Variants in RGR observed in about 807,000 individuals in gnomAD.
RGR encodes RPE-retinal G protein-coupled receptor.
A neutral mutation model predicts 28.6 loss-of-function variants in RGR; 30 were observed. That is an observed-to-expected ratio of 1.05 (90% CI 0.78 to 1.42). RGR has a LOEUF of 1.42. RGR is among the 40% of genes most tolerant of loss of function. RGR has a pLI of 0.00. For synonymous variants in RGR, 180 were observed against 156.4 expected (o/e 1.15, Z -1.13); for missense variants, 404 against 375.6 (o/e 1.08, Z -0.62).
chr10:84,258,628 C>G lies in RGR; in HGVS notation c.865C>G (p.Arg289Gly). The G allele has an allele frequency of 6.2e-7, 1 of 1,614,088 alleles. No homozygotes were observed. Among genetic ancestry groups the G allele is most frequent in the East Asian group, 2.2e-5 (1 of 44,860 alleles). ...CTCACCGCAGAAGAGGGAGAAGGAC[C>G]GAACCAAGTGAGCCTGCCACCCTGG... is the stretch of plus-strand genomic sequence containing the variant. ...CLSPQKREKD[R>G]TK The change falls in exon 7 of 7, where the codon CGA becomes GGA. Residue 289 changes from arginine to glycine, a missense_variant. Physicochemically the swap from Arg to Gly is moderately radical, Grantham distance 125. Transcript: ENST00000652092.
intron 5 of RGR, among the ~76,000 whole-genome samples, chr10:84,256,076 T>C (rs1842883188): frequency 8.3e-6 from 1 of 120,642 alleles, no homozygotes; most frequent in Non-Finnish European, 1.8e-5. Context: ...TTTTTTTTTT[T>C]TTTTTTTTTT....
chr10:84,258,718 G>A lies in RGR; in HGVS notation c.*79G>A. 1 of 1,599,526 alleles carries A rather than the reference G, an allele frequency of 6.3e-7. No homozygotes were observed. ...CCAGCAGCCTCAGTGGCCAAGCCCAGACACTCACCCACCTTCCCCAGTGGC... is the reference window on the plus strand; with the variant it reads ...CCAGCAGCCTCAGTGGCCAAGCCCAAACACTCACCCACCTTCCCCAGTGGC... On this transcript the variant is annotated 3_prime_UTR_variant, in exon 7 of 7. Transcript: ENST00000652092.
intron 5 of RGR, among the ~76,000 whole-genome samples, chr10:84,256,909 C>G (rs1324800703): frequency 6.6e-6 from 1 of 152,108 alleles, no homozygotes; most frequent in Non-Finnish European, 1.5e-5. Context: ...ACCGCGTAGC[C>G]TCCCCAGGGG....
At chr10:84,247,804 T>C in intron 2 of RGR, 57 bp downstream of exon 2, 5 of 1,611,206 alleles carry the variant, frequency 3.1e-6, no homozygotes, top group Non-Finnish European at 4.2e-6. Context: ...GCCTGACCCC[T>C]GGGCCCTGGG....
intron 3 of RGR, chr10:84,250,783 T>C (rs1842806929): frequency 3.9e-6 from 1 of 254,508 alleles, no homozygotes. Context: ...GGCAGCACAA[T>C]GGTCCAGGTA....
chr10:84,253,966 C>G (rs965273726), intron 4 of RGR, among the ~76,000 whole-genome samples: 3 of 152,208 alleles, frequency 2.0e-5, no homozygotes, highest in Non-Finnish European at 4.4e-5. Flanking sequence ...CTTGTTATCC[C>G]GTCTCCTTTT....
intron 5 of RGR, among the ~76,000 whole-genome samples, chr10:84,254,938 C>T (rs1211767537): frequency 6.6e-6 from 1 of 152,206 alleles, no homozygotes; most frequent in African/African-American, 2.4e-5. Context: ...TTGGTCCAGA[C>T]CTAGCTGGCC....
chr10:84,245,228 C>A, intron 1 of RGR, 59 bp downstream of exon 1: 1 of 1,546,610 alleles, frequency 6.5e-7, no homozygotes, highest in South Asian at 1.1e-5. Flanking sequence ...GGACCCAGGC[C>A]ACCAGTGTGG....
chr10:84,252,419 C>T (rs4415696), intron 3 of RGR, among the ~76,000 whole-genome samples: 112 of 152,330 alleles, frequency 7.4e-4, no homozygotes, highest in African/African-American at 2.7e-3. Context: ...GCCACTCCCT[C>T]GTCTCTGTCC....
At chr10:84,256,941 G>C (rs898191582) in intron 5 of RGR, among the ~76,000 whole-genome samples, 7 of 151,994 alleles carry the variant, frequency 4.6e-5, no homozygotes, top group Non-Finnish European at 4.4e-5. Flanking sequence ...TAGGGCCTCG[G>C]CTCCCGGGAG....
At chr10:84,254,606 G>T (rs1842861128) in intron 5 of RGR, among the ~76,000 whole-genome samples, 163 bp downstream of exon 5, 1 of 152,202 alleles carries the variant, frequency 6.6e-6, no homozygotes, top group African/African-American at 2.4e-5. Context: ...CTCAGAGAGG[G>T]GAGGGTGGAC....
chr10:84,253,168 C>G (rs539627921), intron 4 of RGR, among the ~76,000 whole-genome samples, 158 bp downstream of exon 4: 4 of 152,186 alleles, frequency 2.6e-5, no homozygotes, highest in Non-Finnish European at 4.4e-5. Context: ...TGCAGGTGGA[C>G]AGTGGGACTG....
intron 5 of RGR, 63 bp downstream of exon 5, chr10:84,254,506 C>T (rs1293556275): frequency 1.3e-5 from 17 of 1,354,428 alleles, no homozygotes; most frequent in Admixed American, 1.0e-4. Flanking sequence ...CTTGGTGTCC[C>T]GAACAAAGAA....
At chr10:84,255,976 C>T (rs1842879594) in intron 5 of RGR, among the ~76,000 whole-genome samples, 3 of 148,928 alleles carry the variant, frequency 2.0e-5, no homozygotes, top group Middle Eastern at 7.1e-3. Flanking sequence ...CGCCCGCCTC[C>T]GCCTCCTAAA....
At chr10:84,245,863 G>C (rs992247755) in intron 1 of RGR, among the ~76,000 whole-genome samples, 1 of 152,222 alleles carries the variant, frequency 6.6e-6, no homozygotes, top group African/African-American at 2.4e-5. Flanking sequence ...GCCAGAGCTA[G>C]AGACAGTGTC....
At chr10:84,248,703 T>G (rs1842777790) in intron 2 of RGR, 2 of 694,334 alleles carry the variant, frequency 2.9e-6, no homozygotes, top group African/African-American at 1.8e-5. Flanking sequence ...CCAACCATGG[T>G]GCAGTCAAAG....
At chr10:84,258,374 T>C (rs1842913704) in intron 6 of RGR, 134 bp from the exon 7 acceptor site, 2 of 1,439,928 alleles carry the variant, frequency 1.4e-6, no homozygotes, top group Non-Finnish European at 1.9e-6. Flanking sequence ...CACCAACTAG[T>C]CAGGGAAGCC....
At chr10:84,253,265 C>G (rs1474548868) in intron 4 of RGR, among the ~76,000 whole-genome samples, 2 of 152,146 alleles carry the variant, frequency 1.3e-5, no homozygotes, top group African/African-American at 4.8e-5. Flanking sequence ...AGACATCATA[C>G]AGGGAGCCAT....
intron 4 of RGR, 130 bp from the exon 5 acceptor site, chr10:84,254,196 C>T: frequency 1.2e-6 from 1 of 828,342 alleles, no homozygotes; most frequent in Non-Finnish European, 2.1e-6. Context: ...CCGGGAGCAA[C>T]CACACTGCGA....
Sources: gnomAD v4.1 joint callset for allele counts (sites outside exome capture counted in the v4.1 genomes callset) on GRCh38, gnomAD v4.1.1 for gene constraint, MANE v1.5 for transcripts, NCBI Gene and HGNC (gene_info 2026-07-23, HGNC 2026-07-21) for gene names.